USP24: variants seen among roughly 807,000 people sequenced by gnomAD.
The protein encoded by USP24 is ubiquitin carboxyl-terminal hydrolase 24.
Under a neutral mutation model 361.6 loss-of-function variants are expected in USP24, and 97 were observed. The observed-to-expected ratio is 0.27, with a 90% CI of 0.23 to 0.32. USP24 has a LOEUF of 0.32. Ranked by LOEUF, USP24 falls within the 10% of genes least tolerant of loss-of-function variation. The pLI is 1.00. For synonymous variants in USP24, 1,098 were observed against 1,124.6 expected, an observed-to-expected ratio of 0.98 and a Z score of 0.47; for missense variants, 2,353 against 3,165.6, an observed-to-expected ratio of 0.74 and a Z score of 6.16.
intron 1 of USP24, among the ~76,000 whole-genome samples, chr1:55,195,851 A>T (rs1347169272): frequency 6.6e-6 from 1 of 152,178 alleles, no homozygotes; most frequent in Non-Finnish European, 1.5e-5. Context: ...GCAAGATGAA[A>T]AATTTCTGGA....
At chr1:55,078,113 A>C (rs1362345909) in intron 61 of USP24, among the ~76,000 whole-genome samples, 1 of 152,244 alleles carries the variant, frequency 6.6e-6, no homozygotes, top group African/African-American at 2.4e-5. Context: ...GCATAAAAGA[A>C]GGCATGCAGA....
chr1:55,169,702 T>C (rs1649254563), intron 5 of USP24, among the ~76,000 whole-genome samples: 1 of 152,112 alleles, frequency 6.6e-6, no homozygotes, highest in Non-Finnish European at 1.5e-5. Flanking sequence ...AGAAATATCA[T>C]CTAGACTTTT....
At chr1:55,149,746 G>T (rs1647140349) in intron 16 of USP24, among the ~76,000 whole-genome samples, 2 of 152,172 alleles carry the variant, frequency 1.3e-5, no homozygotes, top group African/African-American at 4.8e-5. Flanking sequence ...AAACTTAGCT[G>T]TACACAAAAG....
intron 26 of USP24, among the ~76,000 whole-genome samples, chr1:55,138,378 T>C (rs933564615): frequency 6.6e-6 from 1 of 152,166 alleles, no homozygotes; most frequent in Admixed American, 6.5e-5. Flanking sequence ...CACCAATGTA[T>C]CCTGCTTTAC....
intron 31 of USP24, among the ~76,000 whole-genome samples, chr1:55,131,259 T>A (rs1294259894): frequency 6.6e-6 from 1 of 152,150 alleles, no homozygotes; most frequent in Non-Finnish European, 1.5e-5. Context: ...TTAAACAGGG[T>A]GAACATTAAG....
intron 42 of USP24, 136 bp downstream of exon 42, chr1:55,103,740 G>A (rs1645699494): frequency 5.7e-6 from 5 of 878,066 alleles, no homozygotes; most frequent in African/African-American, 1.7e-5. Context: ...TACTTGATTT[G>A]AGTATGTGAA....
At chr1:55,193,332 G>GTCCTGAAACCAAC (rs1553170801) in intron 1 of USP24, among the ~76,000 whole-genome samples, 1 of 152,224 alleles carries the variant, frequency 6.6e-6, no homozygotes, top group South Asian at 2.1e-4. Context: ...CCCCAAGGGG[G>GTCCTGAAACCAAC]TCCTGAAACC....
At chr1:55,173,257 T>A (rs74073060) in intron 3 of USP24, among the ~76,000 whole-genome samples, 7,992 of 149,820 alleles carry the variant, frequency 0.053, 673 homozygotes, top group African/African-American at 0.19. Context: ...AAAATAATAT[T>A]TTTTTTTAAT....
intron 26 of USP24, among the ~76,000 whole-genome samples, chr1:55,138,147 C>T (rs145816123): frequency 1.1e-4 from 16 of 151,968 alleles, no homozygotes; most frequent in African/African-American, 3.4e-4. Context: ...TCCACTGCAG[C>T]GTTGTCCACT....
chr1:55,191,744 G>C (rs979699927), intron 1 of USP24, among the ~76,000 whole-genome samples: 8 of 151,896 alleles, frequency 5.3e-5, no homozygotes, highest in African/African-American at 1.7e-4. Flanking sequence ...CCCGCCTCTG[G>C]CTCCCAAAGC....
At chr1:55,169,169 C>T (rs1649199070) in intron 5 of USP24, among the ~76,000 whole-genome samples, 1 of 151,480 alleles carries the variant, frequency 6.6e-6, no homozygotes, top group South Asian at 2.1e-4. Context: ...ATTCAGTAAC[C>T]AAAATTAAAG....
intron 28 of USP24, among the ~76,000 whole-genome samples, chr1:55,135,701 C>T (rs1290147684): frequency 6.6e-6 from 1 of 151,798 alleles, no homozygotes; most frequent in African/African-American, 2.4e-5. Flanking sequence ...TGCAGTCACA[C>T]AAAGTCTTAC....
At position 55,175,164 on chromosome 1, in the gene USP24, C is replaced by A. The variant is rs575707373; in HGVS notation, c.558+1212G>T. On this transcript the variant is annotated intron_variant, in intron 3 of 67. Transcript: ENST00000294383. ...TTGAATCAAGGGAGATTCTGCCTAC[C>A]AAAATGCAACTGGGAATAACTATTT... Among the ~76,000 whole-genome samples the A allele has an allele frequency of 5.3e-5, 8 of 150,370 alleles. No individual in the cohort carries two copies. In the East Asian group the frequency reaches 1.4e-3, roughly 26 times the overall value.
intron 28 of USP24, among the ~76,000 whole-genome samples, chr1:55,137,302 T>C (rs1646764904): frequency 6.6e-6 from 1 of 152,178 alleles, no homozygotes; most frequent in Admixed American, 6.5e-5. Flanking sequence ...TTCAGACAAC[T>C]GTTTCAAGGA....
At chr1:55,170,289 T>C (rs1449074737) in intron 5 of USP24, among the ~76,000 whole-genome samples, 1 of 151,326 alleles carries the variant, frequency 6.6e-6, no homozygotes, top group African/African-American at 2.4e-5. Flanking sequence ...TTTGTGGTAA[T>C]GAGAGGAAAC....
At chr1:55,150,883 T>TA (rs1647174918) in intron 16 of USP24, among the ~76,000 whole-genome samples, 1 of 152,196 alleles carries the variant, frequency 6.6e-6, no homozygotes, top group Admixed American at 6.5e-5. Flanking sequence ...AGAGTGGAGA[T>TA]TTCATAAGTA....
intron 30 of USP24, among the ~76,000 whole-genome samples, chr1:55,133,174 T>C (rs1039773818): frequency 4.6e-5 from 7 of 152,198 alleles, no homozygotes; most frequent in Non-Finnish European, 1.0e-4. Context: ...AATTATAAAA[T>C]AGAAAATATA....
chr1:55,177,951 A>G lies in USP24; in HGVS notation c.490+16T>C. The G allele has an allele frequency of 6.5e-7, 1 of 1,549,268 alleles. No homozygotes were observed. The highest frequency in any genetic ancestry group is 8.7e-7 in the Non-Finnish European group (1 of 1,146,134). ...GAAACAAATGTCCTCATGTGTTCTAAGGTCTGAAAACTTACCAAGTCTTGC... is the reference window on the plus strand; with the variant it reads ...GAAACAAATGTCCTCATGTGTTCTAGGGTCTGAAAACTTACCAAGTCTTGC... On this transcript the variant is annotated intron_variant, in intron 2 of 67. Transcript: ENST00000294383.
chr1:55,206,367 G>A (rs978492920), intron 1 of USP24, among the ~76,000 whole-genome samples: 11 of 152,162 alleles, frequency 7.2e-5, no homozygotes, highest in Non-Finnish European at 1.3e-4. Flanking sequence ...ACAGAGAAGT[G>A]GCAATTGAGC....
Sources: allele counts gnomAD v4.1 joint callset (sites outside exome capture counted in the v4.1 genomes callset), GRCh38; gene constraint gnomAD v4.1.1; transcripts MANE v1.5; gene names NCBI Gene and HGNC (gene_info 2026-07-23, HGNC 2026-07-21).